HERC6: variants seen among roughly 807,000 people sequenced by gnomAD.
HERC6 encodes HECT and RLD domain containing E3 ubiquitin protein ligase family member 6, also known as probable E3 ubiquitin-protein ligase HERC6.
In HERC6, 101 loss-of-function variants were observed where a neutral mutation model predicts 114.5. The observed-to-expected ratio is 0.88, with a 90% confidence interval of 0.75 to 1.04. HERC6 has a LOEUF of 1.04. HERC6 is among the 50% of genes least tolerant of loss of function. HERC6 has a pLI of 0.00. For synonymous variants in HERC6, 408 were observed against 436.2 expected, an observed-to-expected ratio of 0.94 and a Z score of 0.81; for missense variants, 1,133 against 1,230.9, an observed-to-expected ratio of 0.92 and a Z score of 1.19.
At position 88,413,034 on chromosome 4, in the gene HERC6, T is replaced by C. The variant is rs1736210605; in HGVS notation, c.1369-43T>C. 3 of 1,400,030 alleles carry C rather than the reference T, an allele frequency of 2.1e-6. No individual in the cohort carries two copies. In the East Asian group the frequency reaches 6.9e-5, roughly 32 times the overall value. 86.7% of individuals were successfully genotyped at this position (1,400,030 alleles called of 1,614,324 possible). ...CTTGCTTCTCACAATCCTCTGTATC[T>C]AATATATCCTGGGTCTGTTCCCTGA... On this transcript the variant is annotated intron_variant, in intron 11 of 22. Coordinates refer to ENST00000264346, the MANE Select transcript of HERC6 (RefSeq NM_017912.4).
At chr4:88,383,403 T>C in intron 2 of HERC6, 23 bp downstream of exon 2, 1 of 1,462,700 alleles carries the variant, frequency 6.8e-7, no homozygotes, top group Non-Finnish European at 9.0e-7. Flanking sequence ...ACCCACTCCT[T>C]CATTTATTCA....
intron 11 of HERC6, among the ~76,000 whole-genome samples, chr4:88,409,621 C>T (rs956264244): frequency 5.9e-5 from 9 of 152,170 alleles, no homozygotes; most frequent in Admixed American, 3.9e-4. Context: ...GCAGGATAAC[C>T]TTATCCTGGA....
chr4:88,419,210 A>T (rs576692878), intron 13 of HERC6, among the ~76,000 whole-genome samples: 1 of 152,206 alleles, frequency 6.6e-6, no homozygotes, highest in Non-Finnish European at 1.5e-5. Context: ...AGAAATATCA[A>T]ATGAGGCCAT....
Position 88,408,584 on chromosome 4 carries a change from G to GA in HERC6, c.1337dup (p.Leu447ValfsTer18). 6.3e-7 allele frequency: 1 copy of GA among 1,593,958 alleles called. No individual in the cohort carries two copies. Among genetic ancestry groups the GA allele is most frequent in the Non-Finnish European group, 8.6e-7 (1 of 1,169,340 alleles). ...TAGAAATGGCAAGAGATACCTTCAA[G>GA]AAGTTAACAAAAAAGGAATGGATTT... On this transcript the variant is annotated frameshift_variant, in exon 11 of 23. Coordinates refer to ENST00000264346, the MANE Select transcript of HERC6 (RefSeq NM_017912.4). LOFTEE classifies it high-confidence loss of function.
At chr4:88,417,053 G>A (rs572717177) in intron 12 of HERC6, among the ~76,000 whole-genome samples, 4 of 152,096 alleles carry the variant, frequency 2.6e-5, no homozygotes, top group Admixed American at 6.5e-5. Flanking sequence ...GATTAAAAAC[G>A]TCCTTGATGC....
chr4:88,382,830 G>A lies in HERC6; in HGVS notation c.200-391G>A, dbSNP rs563556804. Among the ~76,000 whole-genome samples, 10 of 152,282 alleles carry A rather than the reference G, an allele frequency of 6.6e-5. No individual in the cohort carries two copies. The South Asian group carries it at 2.1e-3, about 32-fold the overall frequency. On this transcript the variant is annotated intron_variant, in intron 1 of 22. Transcript: ENST00000264346. ...AGTCCCTTGTTTGAAGTAGTCAGCA[G>A]TTTCTGGTTGGTAAAGTCTCTAGTT...
intron 5 of HERC6, among the ~76,000 whole-genome samples, chr4:88,395,617 A>G (rs887823771): frequency 1.3e-5 from 2 of 152,210 alleles, no homozygotes; most frequent in African/African-American, 4.8e-5. Context: ...GAAACACATT[A>G]TTAACTATAG....
At chr4:88,402,667 AG>A (rs1424433185) in intron 8 of HERC6, among the ~76,000 whole-genome samples, 3 of 152,226 alleles carry the variant, frequency 2.0e-5, no homozygotes, top group African/African-American at 7.2e-5. Context: ...GAAGACAGCA[AG>A]GTGCCGAAGC....
At chr4:88,432,281 G>C (rs1307167580) in intron 17 of HERC6, among the ~76,000 whole-genome samples, 1 of 151,802 alleles carries the variant, frequency 6.6e-6, no homozygotes, top group African/African-American at 2.4e-5. Context: ...ATATCTCACT[G>C]TGTTTATGCA....
At chr4:88,408,462 A>G (rs1158509479) in intron 10 of HERC6, 62 bp from the exon 11 acceptor site, 1 of 1,047,982 alleles carries the variant, frequency 9.5e-7, no homozygotes, top group Non-Finnish European at 1.4e-6. Context: ...AATGACATAC[A>G]AACTTTAGAA....
chr4:88,397,173 C>T (rs1371332882), intron 7 of HERC6, among the ~76,000 whole-genome samples, 186 bp downstream of exon 7: 5 of 151,744 alleles, frequency 3.3e-5, no homozygotes, highest in African/African-American at 7.3e-5. Context: ...AGTGCAATGA[C>T]GTGATCTTGG....
chr4:88,441,254 C>T (rs1015871423), intron 22 of HERC6, among the ~76,000 whole-genome samples: 2 of 152,166 alleles, frequency 1.3e-5, no homozygotes, highest in Non-Finnish European at 2.9e-5. Flanking sequence ...ATGGCAACAA[C>T]AACTGATGAT....
Position 88,379,033 on chromosome 4 carries a change from C to G in HERC6, c.112C>G (p.Leu38Val), listed in dbSNP as rs760813502. The G allele has an allele frequency of 1.7e-5, 26 of 1,565,214 alleles. No homozygotes were observed. The change falls in exon 1 of 23, where the codon CTG becomes GTG. Residue 38 changes from leucine to valine, a missense_variant. Coordinates refer to ENST00000264346, the MANE Select transcript of HERC6 (RefSeq NM_017912.4). Reference sequence around the variant, plus strand: ...CAGCGGGGAGCGCCACTCTCTGCTGCTGCTGACCAACCACAGGGTCCTCTC... The same window carrying G: ...CAGCGGGGAGCGCCACTCTCTGCTGGTGCTGACCAACCACAGGGTCCTCTC... ...AASGERHSLL[L>V]LTNHRVLSCG...
intron 3 of HERC6, among the ~76,000 whole-genome samples, chr4:88,387,095 C>A (rs1225894520): frequency 6.6e-6 from 1 of 152,158 alleles, no homozygotes; most frequent in Admixed American, 6.5e-5. Flanking sequence ...CACATAATTA[C>A]CTTACAAACA....
chr4:88,388,312 A>G (rs1018559367), intron 3 of HERC6, among the ~76,000 whole-genome samples: 4 of 152,096 alleles, frequency 2.6e-5, no homozygotes, highest in Admixed American at 2.0e-4. Context: ...GGACTTTAGG[A>G]AGCCGAGGTG....
chr4:88,427,840 AG>A (rs1227616658), intron 15 of HERC6, among the ~76,000 whole-genome samples: 1 of 152,244 alleles, frequency 6.6e-6, no homozygotes, highest in Admixed American at 6.5e-5. Context: ...GAAGCCCTTG[AG>A]GAGTGCTGAA....
At chr4:88,434,520 A>G in intron 17 of HERC6, among the ~76,000 whole-genome samples, 1 of 151,986 alleles carries the variant, frequency 6.6e-6, no homozygotes, top group South Asian at 2.1e-4. Flanking sequence ...TGAACTAAAG[A>G]GACACAGGTT....
intron 20 of HERC6, among the ~76,000 whole-genome samples, chr4:88,439,395 AAAGGGAAGGGAAAGGGAAAGGG>A (rs1441936449): frequency 4.0e-5 from 6 of 151,828 alleles, no homozygotes; most frequent in Admixed American, 3.3e-4. Flanking sequence ...GAAAGAAAGA[AAAGGGAAGGGAAAGGGAAAGGG>A]AAGGGAAGGG....
chr4:88,407,790 G>T (rs1265269340), intron 10 of HERC6, among the ~76,000 whole-genome samples: 1 of 152,188 alleles, frequency 6.6e-6, no homozygotes, highest in Non-Finnish European at 1.5e-5. Flanking sequence ...AAAACAACTT[G>T]TTGATAAGAC....
Sources: gnomAD v4.1 joint callset for allele counts (sites outside exome capture counted in the v4.1 genomes callset) on GRCh38, gnomAD v4.1.1 for gene constraint, MANE v1.5 for transcripts, NCBI Gene and HGNC (gene_info 2026-07-23, HGNC 2026-07-21) for gene names.